Variants in TNKS observed in about 807,000 individuals in gnomAD.
TNKS encodes the protein tankyrase.
In TNKS, 72 loss-of-function variants were observed where a neutral mutation model predicts 135.8. The observed-to-expected ratio is 0.53, with a 90% CI of 0.44 to 0.64. The LOEUF (loss-of-function observed/expected upper bound fraction) is 0.64, where lower values mean the gene tolerates loss of function less well. TNKS is among the 30% of genes least tolerant of loss of function. The pLI, the probability that TNKS is intolerant of heterozygous loss-of-function variation, is 0.00. For synonymous variants in TNKS, 849 were observed against 649.3 expected, an observed-to-expected ratio of 1.31 and a Z score of -4.68; for missense variants, 1,769 against 1,674.0, an observed-to-expected ratio of 1.06 and a Z score of -0.99.
At chr8:9,640,137 C>A (rs1800669651) in intron 3 of TNKS, among the ~76,000 whole-genome samples, 1 of 152,094 alleles carries the variant, frequency 6.6e-6, no homozygotes, top group Admixed American at 6.5e-5. Flanking sequence ...TAAGGAAATC[C>A]ATTTTGTGTT....
chr8:9,716,113 C>T (rs993118244), intron 11 of TNKS, among the ~76,000 whole-genome samples: 4 of 152,142 alleles, frequency 2.6e-5, no homozygotes, highest in Admixed American at 6.6e-5. Flanking sequence ...AGTTCATATT[C>T]ATATGTCTTA....
chr8:9,611,410 C>A (rs1041494775), intron 2 of TNKS, among the ~76,000 whole-genome samples: 1 of 152,060 alleles, frequency 6.6e-6, no homozygotes, highest in Non-Finnish European at 1.5e-5. Context: ...GGTATTTGTG[C>A]TACTTTTTAA....
chr8:9,615,442 G>T (rs7833036), intron 2 of TNKS, 140 bp from the exon 3 acceptor site: 93,638 of 581,696 alleles, frequency 0.16, 8,773 homozygotes, highest in East Asian at 0.26. Context: ...GTGCTTTTTT[G>T]CTTTTTTTCT....
intron 17 of TNKS, among the ~76,000 whole-genome samples, chr8:9,740,446 C>G (rs1805880218): frequency 6.6e-6 from 1 of 152,166 alleles, no homozygotes; most frequent in Admixed American, 6.5e-5. Flanking sequence ...TCTCCCTGGC[C>G]CTTTGTAATG....
At chr8:9,768,198 T>C (rs1415966450) in intron 25 of TNKS, among the ~76,000 whole-genome samples, 2 of 152,050 alleles carry the variant, frequency 1.3e-5, no homozygotes, top group Non-Finnish European at 2.9e-5. Context: ...AGCAAAAGCA[T>C]GTGACTAGTA....
chr8:9,595,457 A>G (rs188823495), intron 2 of TNKS, among the ~76,000 whole-genome samples: 67 of 152,154 alleles, frequency 4.4e-4, no homozygotes, highest in South Asian at 1.2e-3. Flanking sequence ...TTGTGTTCCA[A>G]CTGCTTTCAG....
chr8:9,643,998 G>A (rs1015322681), intron 3 of TNKS, among the ~76,000 whole-genome samples: 17 of 152,178 alleles, frequency 1.1e-4, no homozygotes, highest in Admixed American at 7.2e-4. Context: ...AACACATTTT[G>A]CTAAATGGAA....
At chr8:9,625,763 A>C (rs1317547055) in intron 3 of TNKS, among the ~76,000 whole-genome samples, 1 of 152,092 alleles carries the variant, frequency 6.6e-6, no homozygotes, top group African/African-American at 2.4e-5. Context: ...GTATGATTTC[A>C]ATTTTTTTGA....
At chr8:9,760,052 G>A (rs1161710151) in intron 20 of TNKS, among the ~76,000 whole-genome samples, 1 of 151,736 alleles carries the variant, frequency 6.6e-6, no homozygotes, top group South Asian at 2.1e-4. Context: ...ATAGATATGA[G>A]ACCCTTGGTT....
chr8:9,577,744 C>A (rs1320839969), intron 1 of TNKS, among the ~76,000 whole-genome samples: 1 of 152,122 alleles, frequency 6.6e-6, no homozygotes, highest in Admixed American at 6.5e-5. Flanking sequence ...TGGTCCCTGG[C>A]TCCTCCCAAA....
chr8:9,649,213 C>T (rs927533601), intron 3 of TNKS, among the ~76,000 whole-genome samples: 6 of 152,200 alleles, frequency 3.9e-5, no homozygotes, highest in Admixed American at 2.0e-4. Flanking sequence ...CACAGAGCTA[C>T]TTGAACTACC....
intron 1 of TNKS, chr8:9,566,397 T>A (rs958110368): frequency 6.6e-6 from 1 of 152,158 alleles, no homozygotes; most frequent in African/African-American, 2.4e-5. Flanking sequence ...ATATAACTGT[T>A]ATCCTATGTT....
rs1307683358 is a variant in TNKS at position 9,770,210 on chromosome 8, C to T, written c.3845C>T (p.Pro1282Leu). The T allele has an allele frequency of 5.0e-6, 8 of 1,613,184 alleles. No homozygotes were observed. The highest frequency in any genetic ancestry group is 1.3e-5 in the African/African-American group (1 of 74,884). The change falls in exon 26 of 27, where the codon CCG (proline) becomes CTG (leucine). Residue 1282 changes from proline to leucine, a missense_variant. Pro to Leu is a moderately conservative substitution (Grantham distance 98, BLOSUM62 -3). Transcript: ENST00000310430. ...PPGHHSVIGR[P>L]SVNGLAYAEY... is the part of the protein sequence containing the mutation. The stretch of plus-strand genomic sequence containing the variant: ...GGGCACCACTCAGTCATTGGTAGAC[C>T]GAGCGTCAATGGGCTGGCATATGCT...
intron 3 of TNKS, among the ~76,000 whole-genome samples, chr8:9,629,646 T>A (rs1332856789): frequency 6.6e-6 from 1 of 152,206 alleles, no homozygotes; most frequent in African/African-American, 2.4e-5. Context: ...TTTCCTCAAA[T>A]TTTTGCTTAA....
At chr8:9,568,295 C>CAGTA (rs1797625993) in intron 1 of TNKS, among the ~76,000 whole-genome samples, 1 of 152,070 alleles carries the variant, frequency 6.6e-6, no homozygotes, top group Non-Finnish European at 1.5e-5. Context: ...TTGAGTAGTT[C>CAGTA]AGTAACAGCT....
chr8:9,632,016 G>C (rs1252648577), intron 3 of TNKS, among the ~76,000 whole-genome samples: 12 of 152,038 alleles, frequency 7.9e-5, no homozygotes, highest in Admixed American at 5.9e-4. Context: ...GAGTATTAAT[G>C]GCAGTTTTAT....
chr8:9,607,154 G>C (rs1799257797), intron 2 of TNKS, among the ~76,000 whole-genome samples: 1 of 152,012 alleles, frequency 6.6e-6, no homozygotes, highest in African/African-American at 2.4e-5. Flanking sequence ...ATTTCATTTA[G>C]CAAATAGCAA....
Position 9,604,891 on chromosome 8 carries a change from T to C in TNKS, c.899-10691T>C, listed in dbSNP as rs192801447. 2.1e-3 allele frequency among the ~76,000 whole-genome samples: 312 copies of C among 152,146 alleles called. 1 individual carries two copies. The highest frequency in any genetic ancestry group is 6.9e-3 in the African/African-American group (286 of 41,562). The stretch of plus-strand genomic sequence containing the variant: ...TTTTTCCTCTGTATACTTCAGTACT[T>C]CAGTCTTGGAAATACTGGTTGTCAT... On this transcript the variant is annotated intron_variant, in intron 2 of 26. Transcript: ENST00000310430.
chr8:9,745,057 T>A (rs981276334), intron 17 of TNKS, among the ~76,000 whole-genome samples: 1 of 152,238 alleles, frequency 6.6e-6, no homozygotes, highest in Non-Finnish European at 1.5e-5. Context: ...TCAATAAAAT[T>A]AATCATCAGA....
Sources: allele counts gnomAD v4.1 joint callset (sites outside exome capture counted in the v4.1 genomes callset), GRCh38; gene constraint gnomAD v4.1.1; transcripts MANE v1.5; gene names NCBI Gene and HGNC (gene_info 2026-07-23, HGNC 2026-07-21).